TLR5: variants seen among roughly 807,000 people sequenced by gnomAD.
The protein encoded by TLR5 is toll-like receptor 5.
For synonymous variants in TLR5, 373 were observed against 384.4 expected, an observed-to-expected ratio of 0.97 and a Z score of 0.35; for missense variants, 944 against 999.8, an observed-to-expected ratio of 0.94 and a Z score of 0.75.
intron 4 of TLR5, among the ~76,000 whole-genome samples, chr1:223,133,334 G>A (rs1657467046): frequency 6.6e-6 from 1 of 152,164 alleles, no homozygotes; most frequent in Non-Finnish European, 1.5e-5. Flanking sequence ...AAACAAAATT[G>A]AATATGCTGC....
intron 5 of TLR5, among the ~76,000 whole-genome samples, chr1:223,130,189 A>G (rs981699347): frequency 6.6e-6 from 1 of 152,194 alleles, no homozygotes; most frequent in Non-Finnish European, 1.5e-5. Flanking sequence ...GCTGACATAC[A>G]GGGATCCCCG....
intron 5 of TLR5, 46 bp from the exon 6 acceptor site, chr1:223,113,081 G>A (rs765935238): frequency 2.5e-6 from 4 of 1,583,850 alleles, no homozygotes; most frequent in Non-Finnish European, 3.5e-6. Context: ...TTAAGCTCGA[G>A]GTATTGCACT....
intron 5 of TLR5, among the ~76,000 whole-genome samples, chr1:223,117,503 C>T (rs1170484252): frequency 4.1e-5 from 6 of 144,676 alleles, no homozygotes; most frequent in African/African-American, 1.5e-4. Context: ...TACTTATCAT[C>T]TCTGTCCCCT....
Position 223,112,144 on chromosome 1 carries a change from T to G in TLR5, c.888A>C (p.Ser296=), listed in dbSNP as rs769852107. The change falls in exon 6 of 6, where the codon TCA becomes TCC. Residue 296 remains serine (S), a synonymous_variant. Transcript: ENST00000642603. ...ARSSVRHLDL[S]HGFVFSLNSR... is the part of the protein sequence containing the mutation. ...AGTTCAGGGAGAAGACAAACCCATG[T>G]GAAAGATCCAGGTGTCTCACTGAAC... The G allele has an allele frequency of 1.7e-5, 28 of 1,614,120 alleles. No individual in the cohort carries two copies. The African/African-American group carries it at 3.5e-4, about 20-fold the overall frequency.
At chr1:223,115,342 C>T (rs563502058) in intron 5 of TLR5, among the ~76,000 whole-genome samples, 3 of 152,210 alleles carry the variant, frequency 2.0e-5, no homozygotes, top group Admixed American at 6.5e-5. Context: ...CTCCGCCTCC[C>T]GGGTTCAAGT....
intron 1 of TLR5, 55 bp from the exon 2 acceptor site, chr1:223,141,818 TATATAGAGAGAGAGAGAG>T (rs1657876753): frequency 2.3e-5 from 1 of 43,290 alleles, no homozygotes; most frequent in Non-Finnish European, 4.4e-5. Context: ...TATATATATA[TATATAGAGAGAGAGAGAG>T]AGAGAGAGAG....
chr1:223,141,137 T>C (rs1288805102), intron 2 of TLR5, among the ~76,000 whole-genome samples: 1 of 152,248 alleles, frequency 6.6e-6, no homozygotes, highest in East Asian at 1.9e-4. Context: ...ATTCCAGTGC[T>C]GTCTGCTGTT....
At chr1:223,118,805 G>A (rs1339054989) in intron 5 of TLR5, among the ~76,000 whole-genome samples, 1 of 151,838 alleles carries the variant, frequency 6.6e-6, no homozygotes, top group East Asian at 2.0e-4. Flanking sequence ...TGACCTAGAA[G>A]GAAGTCCATT....
rs756837891 is a variant in TLR5, at chr1:223,111,900, G to A, written c.1132C>T (p.Gln378Ter). The change falls in exon 6 of 6, where the codon CAA becomes TAA. Residue 378 changes from glutamine to a stop codon, truncating the protein, a stop_gained. Coordinates refer to ENST00000642603, the MANE Select transcript of TLR5 (RefSeq NM_003268.6). LOFTEE classifies it low-confidence loss of function (END_TRUNC). ...QKNHIAIIQDQTFKFLEKLQT... is the reference protein window; with the variant it reads ...QKNHIAIIQD The stretch of plus-strand genomic sequence containing the variant: ...AATTTTTCCAGGAATTTGAATGTTT[G>A]GTCTTGAATTATTGCAATGTGATTC... 3.8e-5 allele frequency: 62 copies of A among 1,613,808 alleles called. No individual in the cohort carries two copies. The Admixed American group carries it at 1.0e-3, about 27-fold the overall frequency.
intron 5 of TLR5, among the ~76,000 whole-genome samples, chr1:223,117,621 A>T (rs2102884823): frequency 6.6e-6 from 1 of 152,190 alleles, no homozygotes; most frequent in East Asian, 1.9e-4. Flanking sequence ...ATGTTGAATG[A>T]ACAACACTGC....
intron 5 of TLR5, 93 bp from the exon 6 acceptor site, chr1:223,113,128 G>T: frequency 7.9e-7 from 1 of 1,258,130 alleles, no homozygotes; most frequent in Non-Finnish European, 1.1e-6. Flanking sequence ...TCTATGATGT[G>T]CCTGCTCCCT....
intron 5 of TLR5, among the ~76,000 whole-genome samples, chr1:223,125,599 C>CGGCGGTTGGT (rs1657133059): frequency 2.0e-5 from 2 of 102,504 alleles, no homozygotes. Context: ...TTGGGATTGG[C>CGGCGGTTGGT]GGTGGTTGGT....
chr1:223,122,708 G>A (rs577802658), intron 5 of TLR5, among the ~76,000 whole-genome samples: 2 of 152,302 alleles, frequency 1.3e-5, no homozygotes, highest in East Asian at 3.9e-4. Context: ...TAGACAACAT[G>A]TTTTTAAACC....
At chr1:223,124,366 C>A (rs1234485372) in intron 5 of TLR5, among the ~76,000 whole-genome samples, 1 of 151,444 alleles carries the variant, frequency 6.6e-6, no homozygotes, top group Non-Finnish European at 1.5e-5. Flanking sequence ...ACCCTTGAGC[C>A]CAGGAGGCAA....
chr1:223,142,165 T>C (rs1425704522), intron 1 of TLR5, among the ~76,000 whole-genome samples: 3 of 152,168 alleles, frequency 2.0e-5, no homozygotes, highest in East Asian at 1.9e-4. Flanking sequence ...TGAAACCACA[T>C]TGGCCCTGCA....
At chr1:223,130,198 C>T (rs1255112083) in intron 5 of TLR5, among the ~76,000 whole-genome samples, 2 of 152,132 alleles carry the variant, frequency 1.3e-5, no homozygotes, top group East Asian at 1.9e-4. Context: ...CAGGGATCCC[C>T]GCACCGTTCC....
chr1:223,120,946 G>C (rs565750806), intron 5 of TLR5, among the ~76,000 whole-genome samples: 37 of 152,290 alleles, frequency 2.4e-4, no homozygotes, highest in African/African-American at 8.4e-4. Flanking sequence ...GGCTGGGCAT[G>C]GTGGTGCATA....
In TLR5 at chr1:223,111,273, G is replaced by C; in HGVS notation, c.1759C>G (p.Leu587Val). The change falls in exon 6 of 6, where the codon CTT becomes GTT. Residue 587 changes from leucine (L) to valine (V), a missense_variant. Coordinates refer to ENST00000642603, the MANE Select transcript of TLR5 (RefSeq NM_003268.6). ...THNKFICECE[L>V]STFINWLNHT... is the part of the protein sequence containing the mutation. ...TTAAGCCAATTGATAAAAGTGCTAA[G>C]TTCACATTCACAAATGAACTTGTTA... 1.9e-6 allele frequency: 3 copies of C among 1,614,156 alleles called. No individual in the cohort carries two copies. The highest frequency in any genetic ancestry group is 2.2e-5 in the South Asian group (2 of 91,074).
chr1:223,113,589 ATCTTT>A (rs1184708766), intron 5 of TLR5, among the ~76,000 whole-genome samples: 1 of 152,134 alleles, frequency 6.6e-6, no homozygotes, highest in Non-Finnish European at 1.5e-5. Flanking sequence ...ATTTCACTTA[ATCTTT>A]TCTTTTAAAA....
Sources: gnomAD v4.1 joint callset for allele counts (sites outside exome capture counted in the v4.1 genomes callset) on GRCh38, gnomAD v4.1.1 for gene constraint, MANE v1.5 for transcripts, NCBI Gene and HGNC (gene_info 2026-07-23, HGNC 2026-07-21) for gene names.